DNAH5: variants seen among roughly 807,000 people sequenced by gnomAD.
DNAH5 encodes the protein dynein axonemal heavy chain 5.
A neutral mutation model predicts 518.2 loss-of-function variants in DNAH5; 372 were observed. The observed-to-expected ratio is 0.72, with a 90% confidence interval of 0.66 to 0.78. The LOEUF (loss-of-function observed/expected upper bound fraction) is 0.78, where lower values mean the gene tolerates loss of function less well. Among genes scored for constraint, DNAH5 ranks in the 30% least tolerant of loss-of-function variants. DNAH5 has a pLI of 0.00. For synonymous variants in DNAH5, 2,039 were observed against 2,025.9 expected (o/e 1.01, Z -0.17); for missense variants, 5,523 against 5,687.0 (o/e 0.97, Z 0.93).
chr5:13,894,297 G>A lies in DNAH5; in HGVS notation c.2431+353C>T, dbSNP rs140583880. Among the ~76,000 whole-genome samples the A allele has an allele frequency of 3.2e-3, 486 of 152,124 alleles. 5 individuals carry two copies. Among genetic ancestry groups the A allele is most frequent in the African/African-American group, 0.011 (458 of 41,504 alleles). On this transcript the variant is annotated intron_variant, in intron 16 of 78. Transcript: ENST00000265104. ...TTTTTCCCATTTATCCTGTTGTTCAGCACTGTACTCTATCCAAATCTCCAC... is the reference window on the plus strand; with the variant it reads ...TTTTTCCCATTTATCCTGTTGTTCAACACTGTACTCTATCCAAATCTCCAC...
intron 65 of DNAH5, among the ~76,000 whole-genome samples, chr5:13,745,958 A>AT (rs1264179455): frequency 6.6e-6 from 1 of 152,030 alleles, no homozygotes; most frequent in Non-Finnish European, 1.5e-5. Flanking sequence ...GATTTCATTT[A>AT]TTTTTTACTT....
Position 13,974,673 on chromosome 5 carries a change from A to C in DNAH5, c.12+36975T>G, listed in dbSNP as rs544454656. On this transcript the variant is annotated intron_variant, in intron 1 of 78. Transcript: ENST00000681290. The stretch of plus-strand genomic sequence containing the variant: ...AACATTGAACTGGTGCCTGCATGAC[A>C]CCCTTTGCTACCCACCCTCTTTTCC... 2.0e-5 allele frequency among the ~76,000 whole-genome samples: 3 copies of C among 152,166 alleles called. No homozygotes were observed. In the East Asian group the frequency reaches 5.8e-4, roughly 29 times the overall value.
At chr5:13,840,575 G>A (rs111746975) in intron 34 of DNAH5, among the ~76,000 whole-genome samples, 1 of 152,134 alleles carries the variant, frequency 6.6e-6, no homozygotes, top group South Asian at 2.1e-4. Flanking sequence ...GCAAGAAACT[G>A]GTGATCTTCA....
chr5:13,817,530 T>C lies in DNAH5; in HGVS notation c.6988+18A>G, dbSNP rs748983655. On this transcript the variant is annotated intron_variant, in intron 42 of 78. Coordinates refer to ENST00000265104, the MANE Select transcript of DNAH5 (RefSeq NM_001369.3). ...CTAGAAGTATAATCAAAAATAATCC[T>C]TGTAATTTATCTTCTACCTTTCTTT... 1.2e-6 allele frequency: 2 copies of C among 1,612,588 alleles called. No individual in the cohort carries two copies. Among genetic ancestry groups the C allele is most frequent in the Non-Finnish European group, 8.5e-7 (1 of 1,178,626 alleles).
Position 13,811,778 on chromosome 5 carries a change from G to A in DNAH5, c.7276C>T (p.Gln2426Ter), listed in dbSNP as rs1760754570. ...TCTGGGAAAGACTCGGTGTACAGCTGACGAAGAATTTCTGCTTCTTGAGGT... is the reference window on the plus strand; with the variant it reads ...TCTGGGAAAGACTCGGTGTACAGCTAACGAAGAATTTCTGCTTCTTGAGGT... Reference protein sequence around the residue: ...RSPQEAEILRQLYTESFPDLY... With the variant: ...RSPQEAEILR The change falls in exon 44 of 79, where the codon CAG becomes TAG. Residue 2426 changes from glutamine to a stop codon, truncating the protein, a stop_gained. Coordinates refer to ENST00000265104, the MANE Select transcript of DNAH5 (RefSeq NM_001369.3). LOFTEE classifies it high-confidence loss of function. The A allele has an allele frequency of 6.2e-7, 1 of 1,614,136 alleles. No individual in the cohort carries two copies. The highest frequency in any genetic ancestry group is 8.5e-7 in the Non-Finnish European group (1 of 1,180,020).
intron 65 of DNAH5, among the ~76,000 whole-genome samples, chr5:13,746,489 C>T (rs1749353379): frequency 6.6e-6 from 1 of 152,114 alleles, no homozygotes. Context: ...CTACAGATCC[C>T]TGGGCACCTG....
chr5:13,974,620 C>A (rs532426256), intron 1 of DNAH5, among the ~76,000 whole-genome samples: 1 of 152,200 alleles, frequency 6.6e-6, no homozygotes, highest in African/African-American at 2.4e-5. Context: ...CCATCCTTCT[C>A]TATGTCCTTC....
intron 12 of DNAH5, among the ~76,000 whole-genome samples, chr5:13,907,425 TC>T (rs1035453099): frequency 1.3e-5 from 2 of 151,546 alleles, no homozygotes; most frequent in Non-Finnish European, 2.9e-5. Context: ...TGAAACTCTG[TC>T]CCCCCGCCAC....
intron 58 of DNAH5, 80 bp downstream of exon 58, chr5:13,768,880 C>T (rs1384042409): frequency 6.7e-6 from 10 of 1,483,600 alleles, no homozygotes; most frequent in African/African-American, 2.8e-5. Flanking sequence ...TAGAGCATTT[C>T]CTTGCTGTTA....
At chr5:13,784,723 TCTAA>T (rs1428978786) in intron 52 of DNAH5, among the ~76,000 whole-genome samples, 3 of 152,230 alleles carry the variant, frequency 2.0e-5, no homozygotes, top group African/African-American at 4.8e-5. Flanking sequence ...TCATTTTCTT[TCTAA>T]CTAAAAGGAT....
intron 1 of DNAH5, among the ~76,000 whole-genome samples, chr5:13,935,807 T>C (rs1461919398): frequency 6.6e-6 from 1 of 152,202 alleles, no homozygotes; most frequent in East Asian, 1.9e-4. Flanking sequence ...TGGCTTGTCC[T>C]GCTGGCCTTT....
In DNAH5 at chr5:13,776,478, C is replaced by A; in HGVS notation, c.9334G>T (p.Asp3112Tyr). 2 of 1,613,810 alleles carry A rather than the reference C, an allele frequency of 1.2e-6. No individual in the cohort carries two copies. The highest frequency in any genetic ancestry group is 1.1e-5 in the South Asian group (1 of 91,064). ...FPALISGCTI[D>Y]WFSRWPKDAL... ...TCTTTGGGCCATCGGCTGAACCAGT[C>A]AATTGTGCATCCTGAAATTAGGGCA... The change falls in exon 55 of 79, where the codon GAC becomes TAC. Residue 3112 changes from aspartate to tyrosine, a missense_variant. Physicochemically the swap from Asp to Tyr is radical, Grantham distance 160. Coordinates refer to ENST00000265104, the MANE Select transcript of DNAH5 (RefSeq NM_001369.3).
Position 13,780,960 on chromosome 5 carries a change from C to A in DNAH5, c.8821-1G>T, listed in dbSNP as rs1060501454. On this transcript the variant is annotated splice_acceptor_variant, in intron 52 of 78. Coordinates refer to ENST00000265104, the MANE Select transcript of DNAH5 (RefSeq NM_001369.3). LOFTEE classifies it high-confidence loss of function. ...GAGGAGTACGAATGACACGAGAGAT[C>A]TGTAATATGGAACAGAAAAAGTATG... 3.7e-6 allele frequency: 6 copies of A among 1,613,522 alleles called. No homozygotes were observed. The highest frequency in any genetic ancestry group is 5.1e-6 in the Non-Finnish European group (6 of 1,179,646).
chr5:13,922,394 C>T, intron 4 of DNAH5, 66 bp from the exon 5 acceptor site: 1 of 1,429,886 alleles, frequency 7.0e-7, no homozygotes. Context: ...ACTACTAAGT[C>T]ATTTCTTAAA....
At chr5:13,718,227 C>T (rs1425399639) in intron 72 of DNAH5, among the ~76,000 whole-genome samples, 1 of 152,150 alleles carries the variant, frequency 6.6e-6, no homozygotes, top group East Asian at 1.9e-4. Context: ...TAGAGAGATT[C>T]TCTTGTCCCT....
At chr5:13,804,287 C>G (rs1759230363) in intron 47 of DNAH5, among the ~76,000 whole-genome samples, 1 of 152,146 alleles carries the variant, frequency 6.6e-6, no homozygotes, top group African/African-American at 2.4e-5. Context: ...TGACAGTCCC[C>G]TCTACTGATG....
chr5:13,701,077 A>C (rs1742043570), intron 77 of DNAH5, among the ~76,000 whole-genome samples: 7 of 152,228 alleles, frequency 4.6e-5, no homozygotes. Context: ...AATCAAATCA[A>C]ATACAAAAAT....
chr5:13,753,199 A>C, intron 63 of DNAH5, 34 bp downstream of exon 63: 1 of 1,530,768 alleles, frequency 6.5e-7, no homozygotes, highest in Non-Finnish European at 9.0e-7. Context: ...ATAAAACTTA[A>C]CCGGTAGCAT....
In DNAH5 at chr5:13,850,698, G is replaced by C. The variant is rs1396579220; in HGVS notation, c.5068C>G (p.Pro1690Ala). Residue 1690 changes from proline (P) to alanine (A), a missense_variant, in exon 31 of 79, where the codon CCA (proline) becomes GCA (alanine). Around this residue, in one of 3 missense-constraint regions of DNAH5, gnomAD observed 5,121 missense variants for 5,223.3 expected, o/e 0.98. Coordinates refer to ENST00000265104, the MANE Select transcript of DNAH5 (RefSeq NM_001369.3). ...ATTTCCAACTGGTCCAGCAAGTGTG[G>C]TAACAGCTGCCCCAGGGTCTCATCT... is the stretch of plus-strand genomic sequence containing the variant. ...VGDETLGQLL[P>A]HLLDQLEICQ... 3.7e-6 allele frequency: 6 copies of C among 1,613,934 alleles called. No individual in the cohort carries two copies. The highest frequency in any genetic ancestry group is 2.5e-6 in the Non-Finnish European group (3 of 1,179,970).
Sources: gnomAD v4.1 joint callset for allele counts (sites outside exome capture counted in the v4.1 genomes callset) on GRCh38, gnomAD v4.1.1 for gene constraint, gnomAD v4.1.1 regional missense constraint, MANE v1.5 for transcripts, NCBI Gene and HGNC (gene_info 2026-07-23, HGNC 2026-07-21) for gene names.